Variants in TET3 observed in about 807,000 individuals in gnomAD.
The protein encoded by TET3 is tet methylcytosine dioxygenase 3, also known as methylcytosine dioxygenase TET3.
In TET3, 19 loss-of-function variants were observed where a neutral mutation model predicts 141.4. The ratio of observed to expected loss-of-function variants is 0.13; its 90% CI spans 0.09 to 0.20. TET3 has a LOEUF of 0.20. Ranked by LOEUF, TET3 falls within the 10% of genes least tolerant of loss-of-function variation. The probability of loss-of-function intolerance (pLI) is 1.00; values close to 1 mark genes in which losing one functional copy is unlikely to be tolerated. For synonymous variants in TET3, 1,043 were observed against 980.9 expected, an observed-to-expected ratio of 1.06 and a Z score of -1.18; for missense variants, 1,874 against 2,356.9, an observed-to-expected ratio of 0.80 and a Z score of 4.24.
Position 74,080,478 on chromosome 2 carries a change from G to A in TET3, c.2586-20G>A, listed in dbSNP as rs769662214. 6.2e-7 allele frequency: 1 copy of A among 1,606,794 alleles called. No individual in the cohort carries two copies. ...TTGGGGTTCTGCTGTGCTAATGGTG[G>A]CTTCTGTCTCCCTCTTCAGGTATGG... is the stretch of plus-strand genomic sequence containing the variant. On this transcript the variant is annotated intron_variant, in intron 5 of 11. Coordinates refer to ENST00000409262, the MANE Select transcript of TET3 (RefSeq NM_001287491.2).
intron 3 of TET3, among the ~76,000 whole-genome samples, chr2:74,036,490 G>A (rs1346633538): frequency 6.6e-6 from 1 of 152,220 alleles, no homozygotes; most frequent in Non-Finnish European, 1.5e-5. Context: ...ATTGGCACAT[G>A]TAGCTTTTTT....
At chr2:73,992,935 T>G (rs1684408319) in intron 2 of TET3, among the ~76,000 whole-genome samples, 1 of 152,212 alleles carries the variant, frequency 6.6e-6, no homozygotes, top group Admixed American at 6.5e-5. Context: ...TGTAAATAAA[T>G]GATGGCATCT....
intron 10 of TET3, among the ~76,000 whole-genome samples, chr2:74,094,597 G>A (rs1314291146): frequency 6.6e-6 from 1 of 152,190 alleles, no homozygotes; most frequent in East Asian, 1.9e-4. Flanking sequence ...GGAATAAGAG[G>A]AAGGAGGCGA....
intron 3 of TET3, among the ~76,000 whole-genome samples, chr2:74,018,657 A>G (rs1389337284): frequency 2.0e-5 from 3 of 151,218 alleles, no homozygotes; most frequent in East Asian, 3.9e-4. Flanking sequence ...TTTTACTTCC[A>G]TTGACTTATT....
intron 3 of TET3, among the ~76,000 whole-genome samples, chr2:74,014,759 C>G (rs978911633): frequency 6.6e-6 from 1 of 152,110 alleles, no homozygotes; most frequent in East Asian, 1.9e-4. Context: ...CCTTGCTGAG[C>G]TGGTCTAGGC....
chr2:73,997,768 CTG>C (rs1297650683), intron 2 of TET3, among the ~76,000 whole-genome samples: 3 of 152,172 alleles, frequency 2.0e-5, no homozygotes, highest in Non-Finnish European at 4.4e-5. Context: ...CATACTGAGT[CTG>C]AGCGGTGGGT....
intron 7 of TET3, 79 bp downstream of exon 7, chr2:74,088,117 TG>T: frequency 7.0e-7 from 1 of 1,433,234 alleles, no homozygotes; most frequent in Non-Finnish European, 9.4e-7. Flanking sequence ...CAGGCAACCC[TG>T]GGGAAGGCTC....
chr2:74,022,941 A>G (rs1219141466), intron 3 of TET3, among the ~76,000 whole-genome samples: 1 of 151,906 alleles, frequency 6.6e-6, no homozygotes, highest in Non-Finnish European at 1.5e-5. Context: ...ACGCCTGGCT[A>G]ATTTTTGTAT....
Position 74,058,508 on chromosome 2 carries a change from G to C in TET3, c.2494+10097G>C, listed in dbSNP as rs185225239. ...TAACTTATTAAATTTCAAGGGTGAA[G>C]AATCACCTACAAGTTTAAAAAAAAA... On this transcript the variant is annotated intron_variant, in intron 4 of 11. Transcript: ENST00000409262. Among the ~76,000 whole-genome samples, 5 of 150,154 alleles carry C rather than the reference G, an allele frequency of 3.3e-5. No homozygotes were observed. In the East Asian group the frequency reaches 9.7e-4, roughly 29 times the overall value.
intron 3 of TET3, among the ~76,000 whole-genome samples, chr2:74,017,155 A>T (rs936339643): frequency 2.6e-5 from 4 of 151,990 alleles, no homozygotes; most frequent in Non-Finnish European, 5.9e-5. Context: ...CCCGCACGAC[A>T]TTGTATGCCT....
chr2:74,076,470 T>G (rs577044673), intron 5 of TET3, among the ~76,000 whole-genome samples: 21 of 123,752 alleles, frequency 1.7e-4, no homozygotes, highest in Non-Finnish European at 2.8e-4. Flanking sequence ...TTTTTTTTTT[T>G]GTCTATTTTA....
chr2:74,122,305 G>T, the TET3 span: 1 of 151,656 alleles, frequency 6.6e-6, no homozygotes, highest in African/African-American at 2.4e-5. Flanking sequence ...GAACAGGCCT[G>T]ACAACAGAGT....
chr2:74,134,156 C>T, the TET3 span, among the ~76,000 whole-genome samples: 1 of 152,182 alleles, frequency 6.6e-6, no homozygotes, highest in Non-Finnish European at 1.5e-5. Flanking sequence ...TCTCACTGAC[C>T]ACTGCCGTCC....
In TET3 at chr2:74,102,169, G is replaced by C; in HGVS notation, c.5381G>C (p.Trp1794Ser). ...AAGGTCACTGGCCCCTACAGCCGCT[G>C]GATCTAGGTGCCAGGGAGCCAGCGT... Reference protein sequence around the residue: ...YTKVTGPYSRWI With the variant: ...YTKVTGPYSRSI Residue 1794 changes from tryptophan to serine, a missense_variant, in exon 12 of 12, where the codon TGG becomes TCG. Coordinates refer to ENST00000409262, the MANE Select transcript of TET3 (RefSeq NM_001287491.2). The C allele has an allele frequency of 6.9e-7, 1 of 1,442,236 alleles. No homozygotes were observed. The highest frequency in any genetic ancestry group is 9.1e-7 in the Non-Finnish European group (1 of 1,095,492). 89.3% of individuals were successfully genotyped at this position (1,442,236 alleles called of 1,614,324 possible).
downstream of TET3, among the ~76,000 whole-genome samples, chr2:74,109,993 C>T (rs931413390): frequency 1.4e-4 from 21 of 152,256 alleles, no homozygotes; most frequent in East Asian, 2.1e-3. Flanking sequence ...GTCAATAAGA[C>T]AGGCTAATGA....
the TET3 span, among the ~76,000 whole-genome samples, chr2:74,131,317 TC>T: frequency 2.0e-5 from 3 of 152,116 alleles, no homozygotes; most frequent in Non-Finnish European, 4.4e-5. Flanking sequence ...TCTCCGCACT[TC>T]CCGATTTGGA....
At position 74,100,381 on chromosome 2, in the gene TET3, C is replaced by T; in HGVS notation, c.3605-12C>T. 1 of 1,553,960 alleles carries T rather than the reference C, an allele frequency of 6.4e-7. No homozygotes were observed. Among genetic ancestry groups the T allele is most frequent in the Non-Finnish European group, 8.7e-7 (1 of 1,147,756 alleles). ...GTCTGCCCCTCTGCCATCTTGCCTTCTGTTTCCCCAGGCCTGTCTCTGAAG... is the reference window on the plus strand; with the variant it reads ...GTCTGCCCCTCTGCCATCTTGCCTTTTGTTTCCCCAGGCCTGTCTCTGAAG... On this transcript the variant is annotated splice_polypyrimidine_tract_variant and intron_variant, in intron 11 of 11. Coordinates refer to ENST00000409262, the MANE Select transcript of TET3 (RefSeq NM_001287491.2).
At chr2:74,129,613 A>G in the TET3 span, among the ~76,000 whole-genome samples, 1 of 152,030 alleles carries the variant, frequency 6.6e-6, no homozygotes, top group South Asian at 2.1e-4. Context: ...CCTGGGAGAC[A>G]GAGCAAGACC....
At chr2:74,053,253 A>C (rs1573799075) in intron 4 of TET3, among the ~76,000 whole-genome samples, 1 of 152,178 alleles carries the variant, frequency 6.6e-6, no homozygotes, top group South Asian at 2.1e-4. Context: ...TCCCCCCCCA[A>C]CCATCCTATA....
Sources: allele counts gnomAD v4.1 joint callset (sites outside exome capture counted in the v4.1 genomes callset), GRCh38; gene constraint gnomAD v4.1.1; transcripts MANE v1.5; gene names NCBI Gene and HGNC (gene_info 2026-07-23, HGNC 2026-07-21).